The following STXBP4 variants were observed in gnomAD, a reference collection of about 807,000 sequenced individuals.
The protein encoded by STXBP4 is syntaxin-binding protein 4.
Under a neutral mutation model 76.1 loss-of-function variants are expected in STXBP4, and 55 were observed. The ratio of observed to expected loss-of-function variants is 0.72; its 90% CI spans 0.58 to 0.91. The LOEUF is 0.91. Ranked by LOEUF, STXBP4 falls within the 40% of genes least tolerant of loss-of-function variation. The pLI is 0.00. For synonymous variants in STXBP4, 201 were observed against 220.2 expected (o/e 0.91, Z 0.77); for missense variants, 618 against 636.9 (o/e 0.97, Z 0.32).
intron 11 of STXBP4, chr17:55,043,606 C>G (rs1399902611): frequency 6.5e-7 from 1 of 1,549,352 alleles, no homozygotes; most frequent in Admixed American, 2.0e-5. Flanking sequence ...TATTCTCTCT[C>G]ATTAGTGGCC....
chr17:54,990,554 A>G (rs1401691447), intron 3 of STXBP4, among the ~76,000 whole-genome samples: 5 of 152,146 alleles, frequency 3.3e-5, no homozygotes, highest in Admixed American at 3.3e-4. Flanking sequence ...TGTGAATTGT[A>G]TAATTATTTT....
intron 12 of STXBP4, 63 bp downstream of exon 12, chr17:55,047,217 T>TGTGTGA: frequency 1.1e-6 from 1 of 900,590 alleles, no homozygotes; most frequent in Middle Eastern, 2.9e-4. Context: ...TGTGTGTGTG[T>TGTGTGA]GAACATATGA....
At chr17:55,055,148 A>G (rs1231447571) in intron 12 of STXBP4, among the ~76,000 whole-genome samples, 4 of 152,174 alleles carry the variant, frequency 2.6e-5, no homozygotes, top group Non-Finnish European at 5.9e-5. Flanking sequence ...GTATTCTTTT[A>G]TCAACATCAC....
chr17:55,202,773 G>A, the STXBP4 span, among the ~76,000 whole-genome samples: 2 of 152,134 alleles, frequency 1.3e-5, no homozygotes, highest in African/African-American at 2.4e-5. Flanking sequence ...TTCCATTGGT[G>A]ATGGAAATTA....
chr17:55,150,957 G>A (rs115676719), intron 17 of STXBP4, among the ~76,000 whole-genome samples: 22 of 152,292 alleles, frequency 1.4e-4, no homozygotes, highest in African/African-American at 4.8e-4. Flanking sequence ...AACAGTAGAA[G>A]AGGGAGGCAG....
intron 16 of STXBP4, among the ~76,000 whole-genome samples, chr17:55,116,046 C>T (rs761783249): frequency 6.6e-6 from 1 of 151,694 alleles, no homozygotes; most frequent in Non-Finnish European, 1.5e-5. Flanking sequence ...CTCTAGGGAG[C>T]GGTGCCTTAT....
chr17:55,185,332 C>T, the STXBP4 span, among the ~76,000 whole-genome samples: 112 of 123,224 alleles, frequency 9.1e-4, no homozygotes, highest in Middle Eastern at 4.7e-3. Flanking sequence ...TCCTTCTCCT[C>T]CTCCTCCTCC....
chr17:55,057,532 G>A (rs550641209), intron 12 of STXBP4, among the ~76,000 whole-genome samples: 1 of 152,146 alleles, frequency 6.6e-6, no homozygotes, highest in African/African-American at 2.4e-5. Flanking sequence ...ATTCAAATTT[G>A]GTTGTTGTTG....
intron 16 of STXBP4, among the ~76,000 whole-genome samples, chr17:55,105,470 T>TGTC (rs1717895357): frequency 7.7e-6 from 1 of 129,794 alleles, no homozygotes; most frequent in African/African-American, 2.7e-5. Flanking sequence ...TTTCTTTTCT[T>TGTC]TTTTTTTTTT....
intron 16 of STXBP4, among the ~76,000 whole-genome samples, chr17:55,087,189 G>A (rs1176921832): frequency 6.6e-6 from 1 of 152,132 alleles, no homozygotes; most frequent in Non-Finnish European, 1.5e-5. Flanking sequence ...TGTCAGAAGA[G>A]TAGTTTGCAA....
intron 7 of STXBP4, among the ~76,000 whole-genome samples, chr17:55,006,293 A>G (rs2078006790): frequency 6.6e-6 from 1 of 152,150 alleles, no homozygotes; most frequent in Admixed American, 6.5e-5. Flanking sequence ...TTATTTTCAT[A>G]TGCACTTCTT....
chr17:55,018,469 A>G (rs58542860), intron 8 of STXBP4, among the ~76,000 whole-genome samples: 7,171 of 152,212 alleles, frequency 0.047, 267 homozygotes, highest in East Asian at 0.2. Flanking sequence ...GAGCTCCCAT[A>G]GAAAGGGAGG....
At position 55,058,409 on chromosome 17, in the gene STXBP4, A is replaced by C. The variant is rs538462084; in HGVS notation, c.1011+11255A>C. 1.2e-4 allele frequency among the ~76,000 whole-genome samples: 18 copies of C among 152,206 alleles called. No individual in the cohort carries two copies. In the East Asian group the frequency reaches 2.3e-3, roughly 20 times the overall value. On this transcript the variant is annotated intron_variant, in intron 12 of 17. Coordinates refer to ENST00000376352, the MANE Select transcript of STXBP4 (RefSeq NM_178509.6). The stretch of plus-strand genomic sequence containing the variant: ...ACTTTTTGATGGGGTTAATACATTT[A>C]AATTTTCGATGCAACATAGCTGGAG...
At chr17:55,008,868 T>A (rs1252430808) in intron 8 of STXBP4, among the ~76,000 whole-genome samples, 2 of 152,172 alleles carry the variant, frequency 1.3e-5, no homozygotes, top group Admixed American at 6.5e-5. Context: ...CCTTCCGGCT[T>A]CTGCTGTTTT....
At chr17:55,080,939 A>G in intron 15 of STXBP4, 111 bp from the exon 16 acceptor site, 1 of 1,081,582 alleles carries the variant, frequency 9.2e-7, no homozygotes, top group Non-Finnish European at 1.2e-6. Flanking sequence ...TAATTTCCTC[A>G]GAAATATAAA....
chr17:54,997,536 C>CATAAATATATATAAT (rs932203713), intron 4 of STXBP4, among the ~76,000 whole-genome samples: 3 of 138,780 alleles, frequency 2.2e-5, no homozygotes, highest in African/African-American at 7.8e-5. Context: ...ATATATATAA[C>CATAAATATATATAAT]ATAAATATAT....
chr17:55,210,655 A>C, the STXBP4 span, among the ~76,000 whole-genome samples: 3 of 152,228 alleles, frequency 2.0e-5, no homozygotes, highest in African/African-American at 7.2e-5. Context: ...TCCCCACTTA[A>C]AATATACACA....
At chr17:55,174,854 C>T (rs2080423288), downstream of STXBP4, among the ~76,000 whole-genome samples, 1 of 152,068 alleles carries the variant, frequency 6.6e-6, no homozygotes, top group South Asian at 2.1e-4. Flanking sequence ...GATAATGCAA[C>T]TTTTAATCTA....
chr17:54,994,475 G>C (rs150624616), intron 4 of STXBP4, among the ~76,000 whole-genome samples: 2 of 152,262 alleles, frequency 1.3e-5, no homozygotes, highest in East Asian at 3.9e-4. Context: ...AAATTTAACA[G>C]CTTCCTATTT....
Sources: allele counts gnomAD v4.1 joint callset (sites outside exome capture counted in the v4.1 genomes callset), GRCh38; gene constraint gnomAD v4.1.1; transcripts MANE v1.5; gene names NCBI Gene and HGNC (gene_info 2026-07-23, HGNC 2026-07-21).